The following SUZ12 variants were observed in gnomAD, a reference collection of about 807,000 sequenced individuals.
The protein encoded by SUZ12 is SUZ12 polycomb repressive complex 2 subunit.
A neutral mutation model predicts 87.3 loss-of-function variants in SUZ12; 17 were observed. The ratio of observed to expected loss-of-function variants is 0.19; its 90% CI spans 0.13 to 0.29. The LOEUF is 0.29. Ranked by LOEUF, SUZ12 falls within the 10% of genes least tolerant of loss-of-function variation. The probability of loss-of-function intolerance (pLI) is 1.00; values close to 1 mark genes in which losing one functional copy is unlikely to be tolerated. For synonymous variants in SUZ12, 253 were observed against 312.4 expected, an observed-to-expected ratio of 0.81 and a Z score of 2.01; for missense variants, 526 against 912.2, an observed-to-expected ratio of 0.58 and a Z score of 5.45.
At chr17:31,988,653 C>T (rs1204661971) in intron 10 of SUZ12, among the ~76,000 whole-genome samples, 156 bp downstream of exon 10, 7 of 150,442 alleles carry the variant, frequency 4.7e-5, no homozygotes, top group Non-Finnish European at 5.9e-5. Flanking sequence ...AGTGCAGTAG[C>T]GTGATTTCGG....
chr17:31,967,503 C>G (rs1908166790), intron 5 of SUZ12: 1 of 151,836 alleles, frequency 6.6e-6, no homozygotes, highest in South Asian at 2.1e-4. Flanking sequence ...AAAAAACTAG[C>G]TGGGTGTCGT....
intron 10 of SUZ12, among the ~76,000 whole-genome samples, chr17:31,989,879 G>A (rs1909623935): frequency 6.6e-6 from 1 of 151,634 alleles, no homozygotes; most frequent in South Asian, 2.1e-4. Context: ...AAAGTGCTGG[G>A]ATTACAGGCA....
chr17:31,947,477 A>G (rs1906702476), intron 3 of SUZ12, 140 bp from the exon 4 acceptor site: 1 of 1,127,800 alleles, frequency 8.9e-7, no homozygotes, highest in Non-Finnish European at 1.3e-6. Flanking sequence ...ATTCATTGTT[A>G]TGGCTAATCA....
intron 4 of SUZ12, among the ~76,000 whole-genome samples, chr17:31,960,285 A>C (rs1429640457): frequency 6.6e-6 from 1 of 151,936 alleles, no homozygotes; most frequent in East Asian, 1.9e-4. Context: ...ATCTCGGCTC[A>C]CTGCAACCTC....
chr17:31,961,293 A>C (rs1272059608), intron 4 of SUZ12, among the ~76,000 whole-genome samples: 1 of 152,150 alleles, frequency 6.6e-6, no homozygotes, highest in African/African-American at 2.4e-5. Context: ...TCACACCTGT[A>C]ATCTCAGCAC....
At chr17:31,989,519 T>C (rs993847076) in intron 10 of SUZ12, among the ~76,000 whole-genome samples, 1 of 152,202 alleles carries the variant, frequency 6.6e-6, no homozygotes, top group Non-Finnish European at 1.5e-5. Context: ...AAGAAAACTA[T>C]TGGTTTTCAG....
intron 1 of SUZ12, among the ~76,000 whole-genome samples, chr17:31,939,722 C>T (rs1262711568): frequency 2.6e-5 from 4 of 152,036 alleles, no homozygotes; most frequent in African/African-American, 9.7e-5. Context: ...GACAGGGTTT[C>T]TCCATGTTGG....
At chr17:31,966,239 A>C in intron 5 of SUZ12, 43 bp downstream of exon 5, 1 of 1,499,716 alleles carries the variant, frequency 6.7e-7, no homozygotes, top group Non-Finnish European at 9.1e-7. Context: ...TAATAGCAAG[A>C]TACCTTTGTG....
In SUZ12 at chr17:31,995,766, A is replaced by G; in HGVS notation, c.1794+4A>G. On this transcript the variant is annotated splice_donor_region_variant and intron_variant, in intron 14 of 15. Transcript: ENST00000322652. ...GCTAAGAGAAAAAACCATTACAGTA[A>G]TTATTATTATCTTTATTGGCAATTA... The G allele has an allele frequency of 6.3e-7, 1 of 1,587,888 alleles. No homozygotes were observed. Among genetic ancestry groups the G allele is most frequent in the Non-Finnish European group, 8.6e-7 (1 of 1,159,940 alleles).
chr17:31,981,774 G>T (rs917527824), intron 8 of SUZ12, among the ~76,000 whole-genome samples: 3 of 152,138 alleles, frequency 2.0e-5, no homozygotes, highest in African/African-American at 7.2e-5. Flanking sequence ...GGCTATTTAC[G>T]GTTTGATTTT....
At chr17:31,996,074 G>A (rs568968053) in intron 14 of SUZ12, among the ~76,000 whole-genome samples, 24 of 152,216 alleles carry the variant, frequency 1.6e-4, no homozygotes, top group African/African-American at 5.3e-4. Flanking sequence ...GCCAGGCATG[G>A]TGGCATGCAC....
At chr17:31,976,934 G>A (rs1171083360) in intron 8 of SUZ12, among the ~76,000 whole-genome samples, 2 of 152,200 alleles carry the variant, frequency 1.3e-5, no homozygotes, top group Non-Finnish European at 2.9e-5. Context: ...ACTTTTAGTG[G>A]AGGAAACAGA....
At chr17:31,998,568 A>G in intron 15 of SUZ12, 90 bp from the exon 16 acceptor site, 1 of 852,650 alleles carries the variant, frequency 1.2e-6, no homozygotes, top group Non-Finnish European at 1.7e-6. Context: ...TTTTACTGGA[A>G]TTGGATATAG....
chr17:31,962,470 G>A (rs1907787744), intron 4 of SUZ12, among the ~76,000 whole-genome samples: 1 of 152,032 alleles, frequency 6.6e-6, no homozygotes, highest in African/African-American at 2.4e-5. Flanking sequence ...CATGCCTATA[G>A]TCTCAGCTAC....
In SUZ12 at chr17:31,975,550, T is replaced by A; in HGVS notation, c.660T>A (p.Asn220Lys). The stretch of plus-strand genomic sequence containing the variant: ...AGGTGCCTTTGAATCCTGACCTCAA[T>A]CAAACAAAACCCGGAAATTTCCCGT... ...KKQVPLNPDL[N>K]QTKPGNFPSL... The change falls in exon 7 of 16, where the codon AAT becomes AAA. Residue 220 changes from asparagine (N) to lysine (K), a missense_variant. Coordinates refer to ENST00000322652, the MANE Select transcript of SUZ12 (RefSeq NM_015355.4). 1.2e-6 allele frequency: 2 copies of A among 1,613,876 alleles called. No homozygotes were observed. Among genetic ancestry groups the A allele is most frequent in the Non-Finnish European group, 1.7e-6 (2 of 1,179,830 alleles).
chr17:31,984,567 G>A (rs999329736), intron 9 of SUZ12, among the ~76,000 whole-genome samples: 1 of 152,120 alleles, frequency 6.6e-6, no homozygotes, highest in African/African-American at 2.4e-5. Flanking sequence ...TTATGGAATG[G>A]GGGAAGTATC....
chr17:31,998,229 G>A (rs979050376), intron 15 of SUZ12, among the ~76,000 whole-genome samples: 1 of 151,942 alleles, frequency 6.6e-6, no homozygotes, highest in South Asian at 2.1e-4. Flanking sequence ...ACAGGCACCC[G>A]CCACCACACC....
At chr17:31,995,855 CTTT>C (rs369422951) in intron 14 of SUZ12, 93 bp downstream of exon 14, 21 of 792,138 alleles carry the variant, frequency 2.7e-5, no homozygotes, top group South Asian at 4.4e-5. Flanking sequence ...TGTAAAGGAA[CTTT>C]TTTTAAAAAA....
rs1910118493 is a variant in SUZ12, at chr17:31,998,888, C to T, written c.2105C>T (p.Thr702Ile). ...GCTTCCCCTGCAAACGAAGAAATAA[C>T]TGAAGAACAAAATGGGACAGCAAAT... ...ESASPANEEITEEQNGTANGF... is the reference protein window; with the variant it reads ...ESASPANEEIIEEQNGTANGF... The change falls in exon 16 of 16, where the codon ACT (threonine) becomes ATT (isoleucine). Residue 702 changes from threonine (T) to isoleucine (I), a missense_variant. Physicochemically the swap from Thr to Ile is moderately conservative, Grantham distance 89. This residue lies in a region of SUZ12 where 56 missense variants were observed against 56.6 expected (regional missense o/e 0.99). Coordinates refer to ENST00000322652, the MANE Select transcript of SUZ12 (RefSeq NM_015355.4). 4.3e-6 allele frequency: 7 copies of T among 1,613,270 alleles called. No individual in the cohort carries two copies. The highest frequency in any genetic ancestry group is 3.3e-5 in the Admixed American group (2 of 59,848).
Sources: allele counts gnomAD v4.1 joint callset (sites outside exome capture counted in the v4.1 genomes callset), GRCh38; gene constraint gnomAD v4.1.1; regional missense constraint gnomAD v4.1.1; transcripts MANE v1.5; gene names NCBI Gene and HGNC (gene_info 2026-07-23, HGNC 2026-07-21).